The following ZNF717 variants were observed in gnomAD, a reference collection of about 807,000 sequenced individuals.
The protein encoded by ZNF717 is krueppel-like factor X17.
Under a neutral mutation model 13.8 loss-of-function variants are expected in ZNF717, and 9 were observed. That is an observed-to-expected ratio of 0.65 (90% CI 0.39 to 1.14). The LOEUF is 1.14. Among genes scored for constraint, ZNF717 ranks in the 50% most tolerant of loss-of-function variants. The probability of loss-of-function intolerance (pLI) is 0.01; values close to 1 mark genes in which losing one functional copy is unlikely to be tolerated. For synonymous variants in ZNF717, 327 were observed against 364.1 expected (o/e 0.90, Z 1.16); for missense variants, 1,040 against 1,080.7 (o/e 0.96, Z 0.53).
Position 75,738,655 on chromosome 3 carries a change from T to G in ZNF717, c.968A>C (p.Lys323Thr), listed in dbSNP as rs1180567902. 1.9e-6 allele frequency: 3 copies of G among 1,552,370 alleles called. No homozygotes were observed. Among genetic ancestry groups the G allele is most frequent in the Non-Finnish European group, 2.6e-6 (3 of 1,147,580 alleles). ...CNWCEKLFSYKSSLIIHQRIH... is the reference protein window; with the variant it reads ...CNWCEKLFSYTSSLIIHQRIH... ...TCTCTGATGGATAATGAGGCTGGAC[T>G]TATAGCTGAACAATTTTTCACACCA... The change falls in exon 5 of 5, where the codon AAG (lysine) becomes ACG (threonine). Residue 323 changes from lysine to threonine, a missense_variant. Around this residue, in one of 3 missense-constraint regions of ZNF717, gnomAD observed 873 missense variants for 832.8 expected, o/e 1.05. Transcript: ENST00000652011.
At chr3:75,739,463 T>C (rs201162521) in intron 4 of ZNF717, 118 bp from the exon 5 acceptor site, 1 of 595,972 alleles carries the variant, frequency 1.7e-6, no homozygotes, top group East Asian at 3.0e-5. Context: ...CAAAAATAAA[T>C]ATGGGTATTG....
intron 2 of ZNF717, among the ~76,000 whole-genome samples, chr3:75,752,884 C>G (rs1337873136): frequency 4.0e-5 from 6 of 150,538 alleles, no homozygotes; most frequent in Non-Finnish European, 7.4e-5. Context: ...AAAGTTTGTC[C>G]CTCACATAGG....
intron 4 of ZNF717, among the ~76,000 whole-genome samples, chr3:75,740,261 A>C (rs1940213964): frequency 6.6e-6 from 1 of 152,252 alleles, no homozygotes; most frequent in Non-Finnish European, 1.5e-5. Flanking sequence ...TGGTAACTAC[A>C]AACTCCACTC....
intron 2 of ZNF717, among the ~76,000 whole-genome samples, chr3:75,752,902 A>T (rs1220937940): frequency 6.6e-6 from 1 of 151,560 alleles, no homozygotes; most frequent in African/African-American, 2.4e-5. Context: ...AGGATTCCAG[A>T]TCTCTCCTGC....
downstream of ZNF717, among the ~76,000 whole-genome samples, chr3:75,725,576 C>T (rs1218724702): frequency 2.6e-5 from 4 of 152,138 alleles, no homozygotes; most frequent in East Asian, 5.8e-4. Context: ...ATGGACATGC[C>T]CAAGGCTGGG....
At chr3:75,745,880 T>C (rs1212329925) in intron 2 of ZNF717, among the ~76,000 whole-genome samples, 1 of 151,190 alleles carries the variant, frequency 6.6e-6, no homozygotes, top group Non-Finnish European at 1.5e-5. Flanking sequence ...TTTATATATA[T>C]TTTTTTATTA....
chr3:75,701,541 A>G (rs1422843237), intron 6 of ZNF717, among the ~76,000 whole-genome samples: 2 of 152,064 alleles, frequency 1.3e-5, no homozygotes, highest in African/African-American at 4.8e-5. Flanking sequence ...TGGGGGCAAA[A>G]TTTAGCTGGG....
intron 2 of ZNF717, among the ~76,000 whole-genome samples, chr3:75,779,587 C>T (rs944942240): frequency 2.6e-5 from 3 of 117,196 alleles, no homozygotes; most frequent in Non-Finnish European, 3.6e-5. Flanking sequence ...GCTAAAACCG[C>T]AACCCAAAAC....
chr3:75,735,515 C>CATACTTGTAGTCCTAGCTAATTGG, downstream of ZNF717, among the ~76,000 whole-genome samples: 1 of 152,062 alleles, frequency 6.6e-6, no homozygotes, highest in Non-Finnish European at 1.5e-5. Flanking sequence ...TAGCTAATTG[C>CATACTTGTAGTCCTAGCTAATTGG]ATACTTGTAG....
intron 2 of ZNF717, among the ~76,000 whole-genome samples, chr3:75,776,900 C>CA (rs1474248050): frequency 5.3e-5 from 8 of 152,092 alleles, no homozygotes; most frequent in African/African-American, 9.7e-5. Flanking sequence ...AGGGAATTAA[C>CA]AAAAAACCGA....
downstream of ZNF717, among the ~76,000 whole-genome samples, chr3:75,706,126 T>G (rs142070287): frequency 4.2e-5 from 6 of 141,418 alleles, no homozygotes; most frequent in South Asian, 2.3e-4. Context: ...ATTTGACTCC[T>G]TGAAGGAATA....
chr3:75,742,207 C>T (rs1940557826), intron 2 of ZNF717, among the ~76,000 whole-genome samples: 1 of 151,778 alleles, frequency 6.6e-6, no homozygotes, highest in Admixed American at 6.6e-5. Context: ...GCCTGTAGTC[C>T]TGGCTACTCT....
downstream of ZNF717, among the ~76,000 whole-genome samples, chr3:75,732,972 T>G (rs1159857277): frequency 3.3e-5 from 5 of 152,088 alleles, no homozygotes; most frequent in Admixed American, 2.0e-4. Context: ...AGGGCTCTGA[T>G]GAACAAAGGA....
downstream of ZNF717, among the ~76,000 whole-genome samples, chr3:75,731,547 T>C (rs1389374923): frequency 0.048 from 3,622 of 75,398 alleles, no homozygotes; most frequent in Middle Eastern, 0.086. Flanking sequence ...AGCAACAAAG[T>C]GAGAGTCCAT....
exon 6 of ZNF717, chr3:75,710,612 T>C (rs1452603866): frequency 6.6e-6 from 1 of 152,322 alleles, no homozygotes; most frequent in South Asian, 2.1e-4. Context: ...GCTTTGTAGT[T>C]TGAATGTCTT....
At chr3:75,754,333 A>G (rs1207560056) in intron 2 of ZNF717, among the ~76,000 whole-genome samples, 2 of 152,132 alleles carry the variant, frequency 1.3e-5, no homozygotes, top group African/African-American at 2.4e-5. Flanking sequence ...GGAAAAAATT[A>G]CAAGGCATAC....
chr3:75,698,148 CAAA>C (rs61557684), intron 6 of ZNF717, among the ~76,000 whole-genome samples: 1 of 149,694 alleles, frequency 6.7e-6, no homozygotes, highest in African/African-American at 2.4e-5. Flanking sequence ...CATGTTCTAG[CAAA>C]AAAAAAAAAA....
chr3:75,703,996 C>T (rs1204905204), intron 6 of ZNF717, among the ~76,000 whole-genome samples: 11 of 152,328 alleles, frequency 7.2e-5, no homozygotes, highest in African/African-American at 2.6e-4. Flanking sequence ...TATAAATGTC[C>T]TAGGAGTGTA....
At chr3:75,763,602 A>G (rs1182653501) in intron 2 of ZNF717, among the ~76,000 whole-genome samples, 1 of 149,994 alleles carries the variant, frequency 6.7e-6, no homozygotes, top group East Asian at 2.0e-4. Context: ...TCTCTCCTGG[A>G]TTCCAATTAG....
Sources: gnomAD v4.1 joint callset for allele counts (sites outside exome capture counted in the v4.1 genomes callset) on GRCh38, gnomAD v4.1.1 for gene constraint, gnomAD v4.1.1 regional missense constraint, MANE v1.5 for transcripts, NCBI Gene and HGNC (gene_info 2026-07-23, HGNC 2026-07-21) for gene names.